The following KBTBD12 variants were observed in gnomAD, a reference collection of about 807,000 sequenced individuals.
The protein encoded by KBTBD12 is kelch repeat and BTB domain containing 12, also known as kelch repeat and BTB domain-containing protein 12.
Under a neutral mutation model 58.7 loss-of-function variants are expected in KBTBD12, and 53 were observed. That is an observed-to-expected ratio of 0.90 (90% CI 0.72 to 1.14). The LOEUF is 1.14. Among genes scored for constraint, KBTBD12 ranks in the 50% most tolerant of loss-of-function variants. KBTBD12 has a pLI of 0.00. For synonymous variants in KBTBD12, 236 were observed against 259.8 expected (o/e 0.91, Z 0.88); for missense variants, 704 against 751.3 (o/e 0.94, Z 0.74).
chr3:127,961,776 A>G (rs1355186938), intron 4 of KBTBD12, among the ~76,000 whole-genome samples: 2 of 152,216 alleles, frequency 1.3e-5, no homozygotes, highest in East Asian at 1.9e-4. Flanking sequence ...TAGGGATGCA[A>G]TATGGAAAAC....
chr3:127,947,009 C>G (rs1274520357), intron 4 of KBTBD12, among the ~76,000 whole-genome samples: 1 of 152,152 alleles, frequency 6.6e-6, no homozygotes, highest in African/African-American at 2.4e-5. Context: ...GTGAATTTCT[C>G]TACTTTTCTC....
At chr3:127,975,703 T>C (rs904617383) in intron 5 of KBTBD12, among the ~76,000 whole-genome samples, 1 of 152,194 alleles carries the variant, frequency 6.6e-6, no homozygotes, top group African/African-American at 2.4e-5. Context: ...GTTTTATAAG[T>C]TTTTGCAAAT....
In KBTBD12 at chr3:127,927,890, G is replaced by A; in HGVS notation, c.1197G>A (p.Gln399=). 2 of 1,613,502 alleles carry A rather than the reference G, an allele frequency of 1.2e-6. No individual in the cohort carries two copies. Among genetic ancestry groups the A allele is most frequent in the Non-Finnish European group, 1.7e-6 (2 of 1,179,580 alleles). ...GAGGACAGATGAAAATTAAAAACCA[G>A]TATCTTATTACAAACTGTGTTGATA... is the stretch of plus-strand genomic sequence containing the variant. The part of the protein sequence containing the change: ...VIGGQMKIKN[Q]YLITNCVDKY... Residue 399 remains glutamine (Q), a synonymous_variant, in exon 3 of 6, where the codon CAG becomes CAA. Coordinates refer to ENST00000405109, the MANE Select transcript of KBTBD12 (RefSeq NM_207335.4).
chr3:127,963,336 C>T lies in KBTBD12; in HGVS notation c.1640C>T (p.Ala547Val). 6.2e-7 allele frequency: 1 copy of T among 1,612,128 alleles called. No homozygotes were observed. Among genetic ancestry groups the T allele is most frequent in the Non-Finnish European group, 8.5e-7 (1 of 1,179,228 alleles). Residue 547 changes from alanine (A) to valine (V), a missense_variant, in exon 5 of 6, where the codon GCA becomes GTA. By Grantham distance (64) the Ala-to-Val change is moderately conservative. Coordinates refer to ENST00000405109, the MANE Select transcript of KBTBD12 (RefSeq NM_207335.4). ...TCACTCCGCACCAATTCCACCAATG[C>T]AGGGGCAGTGGATGGGAAACTCTAT... ...LLSLRTNSTN[A>V]GAVDGKLYVC...
rs144437768 is a variant in KBTBD12 at position 127,969,272 on chromosome 3, A to G, written c.1690+5886A>G. 3.8e-3 allele frequency among the ~76,000 whole-genome samples: 578 copies of G among 152,324 alleles called. 1 individual carries two copies. Among genetic ancestry groups the G allele is most frequent in the African/African-American group, 7.3e-3 (305 of 41,584 alleles). On this transcript the variant is annotated intron_variant, in intron 5 of 5. Coordinates refer to ENST00000405109, the MANE Select transcript of KBTBD12 (RefSeq NM_207335.4). ...ATACGCCAAAAAATTGTATTTCTAT[A>G]CACTTACAATGAACAATTAAAAAAT...
chr3:127,981,253 C>T (rs1940867371), intron 5 of KBTBD12, among the ~76,000 whole-genome samples: 2 of 152,182 alleles, frequency 1.3e-5, no homozygotes. Flanking sequence ...CCTGGTTCTG[C>T]CATGTATCAG....
In KBTBD12 at chr3:127,945,164, CTTTTTTTTTTTTTTTTTTTT is replaced by C. The variant is rs56216317; in HGVS notation, c.1492+14900_1492+14919del. Among the ~76,000 whole-genome samples the C allele has an allele frequency of 2.0e-3, 58 of 28,770 alleles. 1 individual carries two copies. In the South Asian group the frequency reaches 0.021, roughly 10 times the overall value. 18.9% of individuals were successfully genotyped at this position (28,770 alleles called of 152,430 possible). On this transcript the variant is annotated intron_variant, in intron 4 of 5. Transcript: ENST00000405109. ...TGTTTTTTTTAAAAATAGTAGCTAT[CTTTTTTTTTTTTTTTTTTTT>C]TTTTTTTTTTTTTTTTTTGAGACGG...
intron 5 of KBTBD12, among the ~76,000 whole-genome samples, chr3:127,964,299 C>T (rs13086532): frequency 0.017 from 2,551 of 152,152 alleles, 32 homozygotes; most frequent in Admixed American, 0.036. Flanking sequence ...CAGAGCCTTT[C>T]GCAAGCCTGC....
In KBTBD12 at chr3:127,932,481, A is replaced by G. The variant is rs548584480; in HGVS notation, c.1492+2198A>G. On this transcript the variant is annotated intron_variant, in intron 4 of 5. Coordinates refer to ENST00000405109, the MANE Select transcript of KBTBD12 (RefSeq NM_207335.4). Reference sequence around the variant, plus strand: ...ATGTACCTCCACTGTGTTTTGGGTCACTGTCAATTAGTATAACAATAAGCC... The same window carrying G: ...ATGTACCTCCACTGTGTTTTGGGTCGCTGTCAATTAGTATAACAATAAGCC... Among the ~76,000 whole-genome samples, 3 of 152,266 alleles carry G rather than the reference A, an allele frequency of 2.0e-5. No homozygotes were observed. In the East Asian group the frequency reaches 5.8e-4, roughly 29 times the overall value.
intron 3 of KBTBD12, among the ~76,000 whole-genome samples, chr3:127,928,343 G>C (rs1030410560): frequency 2.6e-5 from 4 of 152,148 alleles, no homozygotes; most frequent in African/African-American, 9.7e-5. Flanking sequence ...ATCTAACTAG[G>C]AGGAAGAGAA....
At chr3:127,926,520 GATAAATTTCT>G (rs1424733257) in intron 2 of KBTBD12, among the ~76,000 whole-genome samples, 2 of 152,128 alleles carry the variant, frequency 1.3e-5, no homozygotes, top group African/African-American at 4.8e-5. Context: ...CATAAGGCGT[GATAAATTTCT>G]ACATTCAGCT....
In KBTBD12 at chr3:127,923,283, T is replaced by C. The variant is rs761726456; in HGVS notation, c.222T>C (p.Leu74=). The part of the protein sequence containing the change: ...LLECNQREVI[L]YDITAESVSV... ...AATGTAATCAAAGGGAAGTCATACT[T>C]TATGACATCACAGCAGAAAGTGTGT... Residue 74 remains leucine (L), a synonymous_variant, in exon 2 of 6, where the codon CTT becomes CTC. Transcript: ENST00000405109. The C allele has an allele frequency of 1.9e-6, 3 of 1,613,674 alleles. No individual in the cohort carries two copies. The highest frequency in any genetic ancestry group is 2.5e-6 in the Non-Finnish European group (3 of 1,179,648).
At chr3:127,961,721 A>C (rs765604027) in intron 4 of KBTBD12, among the ~76,000 whole-genome samples, 2 of 147,080 alleles carry the variant, frequency 1.4e-5, no homozygotes, top group African/African-American at 2.6e-5. Flanking sequence ...TAAACTTCTC[A>C]TTCTTCATTC....
Position 127,963,255 on chromosome 3 carries a change from A to G in KBTBD12, c.1559A>G (p.Tyr520Cys), listed in dbSNP as rs1289187010. The stretch of plus-strand genomic sequence containing the variant: ...AAATGCCTTGACGTGGTGGAGATCT[A>G]CAACCCAGATGGGGACTTTTGGCGA... ...VRKCLDVVEI[Y>C]NPDGDFWREG... The change falls in exon 5 of 6, where the codon TAC (tyrosine) becomes TGC (cysteine). Residue 520 changes from tyrosine to cysteine, a missense_variant. By Grantham distance (194) the Tyr-to-Cys change is radical (BLOSUM62 -2). Transcript: ENST00000405109. The G allele has an allele frequency of 1.2e-6, 2 of 1,612,758 alleles. No individual in the cohort carries two copies. Among genetic ancestry groups the G allele is most frequent in the Admixed American group, 1.7e-5 (1 of 59,886 alleles).
At chr3:127,977,047 T>C (rs1940796211) in intron 5 of KBTBD12, among the ~76,000 whole-genome samples, 2 of 152,294 alleles carry the variant, frequency 1.3e-5, no homozygotes, top group South Asian at 4.1e-4. Flanking sequence ...TTTGTGTACA[T>C]GTGTACTCAA....
At chr3:127,932,562 A>C (rs1939729802) in intron 4 of KBTBD12, among the ~76,000 whole-genome samples, 1 of 152,144 alleles carries the variant, frequency 6.6e-6, no homozygotes, top group African/African-American at 2.4e-5. Context: ...GATAGTCTAC[A>C]GGGTATCTCC....
At chr3:127,953,333 G>T (rs1940250184) in intron 4 of KBTBD12, among the ~76,000 whole-genome samples, 1 of 152,314 alleles carries the variant, frequency 6.6e-6, no homozygotes, top group South Asian at 2.1e-4. Context: ...AAAGGACTGA[G>T]TCTTTCTACT....
chr3:127,958,042 C>A (rs752047549), intron 4 of KBTBD12, among the ~76,000 whole-genome samples: 1 of 152,016 alleles, frequency 6.6e-6, no homozygotes, highest in Non-Finnish European at 1.5e-5. Flanking sequence ...AGAGATCAGC[C>A]CAAGCCTAGG....
chr3:127,964,640 CAAAAA>C (rs34230294), intron 5 of KBTBD12, among the ~76,000 whole-genome samples: 3 of 111,110 alleles, frequency 2.7e-5, no homozygotes, highest in Admixed American at 9.8e-5. Flanking sequence ...GACTCCATCT[CAAAAA>C]AAAAAAAAAA....
Sources: gnomAD v4.1 joint callset for allele counts (sites outside exome capture counted in the v4.1 genomes callset) on GRCh38, gnomAD v4.1.1 for gene constraint, MANE v1.5 for transcripts, NCBI Gene and HGNC (gene_info 2026-07-23, HGNC 2026-07-21) for gene names.